ATXN7L1: variants seen among roughly 807,000 people sequenced by gnomAD.
ATXN7L1 encodes ataxin 7 like 1.
In ATXN7L1, 15 loss-of-function variants were observed where a neutral mutation model predicts 70.8. The ratio of observed to expected loss-of-function variants is 0.21; its 90% CI spans 0.14 to 0.33. ATXN7L1 has a LOEUF of 0.33. Among genes scored for constraint, ATXN7L1 ranks in the 10% least tolerant of loss-of-function variants. The pLI is 1.00. For missense variants in ATXN7L1, 975 were observed against 1,097.1 expected (o/e 0.89, Z 1.57); for synonymous variants, 440 against 445.1 (o/e 0.99, Z 0.14).
chr7:105,859,285 G>T, intron 2 of ATXN7L1, among the ~76,000 whole-genome samples: 1 of 152,110 alleles, frequency 6.6e-6, no homozygotes, highest in Non-Finnish European at 1.5e-5. Flanking sequence ...GAGAATTTAA[G>T]TGAACAGCTC....
At chr7:105,799,182 G>A (rs1224017563) in intron 2 of ATXN7L1, among the ~76,000 whole-genome samples, 1 of 152,244 alleles carries the variant, frequency 6.6e-6, no homozygotes, top group Admixed American at 6.5e-5. Flanking sequence ...GTGCAGGAAT[G>A]TGACATTTGT....
chr7:105,693,798 G>A (rs1323103814), intron 3 of ATXN7L1, among the ~76,000 whole-genome samples: 1 of 152,170 alleles, frequency 6.6e-6, no homozygotes, highest in African/African-American at 2.4e-5. Context: ...TCCCCTCAAA[G>A]TAACCCACAT....
chr7:105,759,192 T>C (rs889623256), intron 3 of ATXN7L1, among the ~76,000 whole-genome samples: 1 of 151,052 alleles, frequency 6.6e-6, no homozygotes, highest in African/African-American at 2.4e-5. Flanking sequence ...AGGTACCCAA[T>C]TTTATCAGCC....
chr7:105,662,026 CT>C (rs56907945), intron 4 of ATXN7L1, among the ~76,000 whole-genome samples: 10,201 of 62,348 alleles, frequency 0.16, 437 homozygotes, highest in Admixed American at 0.2. Context: ...TTCTTTCTTT[CT>C]TTCCTTCCTT....
At chr7:105,652,062 C>G (rs1263042431) in intron 4 of ATXN7L1, among the ~76,000 whole-genome samples, 1 of 152,150 alleles carries the variant, frequency 6.6e-6, no homozygotes, top group Non-Finnish European at 1.5e-5. Flanking sequence ...AGTGTCCTGA[C>G]ATTCCTGGGG....
chr7:105,637,155 C>T (rs1234937239), intron 7 of ATXN7L1, among the ~76,000 whole-genome samples: 3 of 152,138 alleles, frequency 2.0e-5, no homozygotes, highest in Non-Finnish European at 4.4e-5. Context: ...TCCATCTGAC[C>T]GCGTCCTCCT....
chr7:105,609,766 T>C (rs1002817797), intron 11 of ATXN7L1, among the ~76,000 whole-genome samples: 1 of 151,252 alleles, frequency 6.6e-6, no homozygotes, highest in African/African-American at 2.4e-5. Context: ...GGCTGGCAAG[T>C]CCCTTTTTTA....
At chr7:105,811,710 C>G (rs1391887506) in intron 2 of ATXN7L1, among the ~76,000 whole-genome samples, 1 of 152,066 alleles carries the variant, frequency 6.6e-6, no homozygotes, top group Non-Finnish European at 1.5e-5. Context: ...AAGGATTGAG[C>G]CTGGGGCACT....
chr7:105,822,422 G>C (rs191610653), intron 2 of ATXN7L1, among the ~76,000 whole-genome samples: 1 of 152,354 alleles, frequency 6.6e-6, no homozygotes, highest in East Asian at 1.9e-4. Flanking sequence ...CTCTTTTTAA[G>C]TAAGGATGAG....
chr7:105,837,496 G>C (rs1259084687), intron 2 of ATXN7L1, among the ~76,000 whole-genome samples: 1 of 151,640 alleles, frequency 6.6e-6, no homozygotes, highest in Non-Finnish European at 1.5e-5. Context: ...GAAATATGAA[G>C]GGTTGGAAGG....
chr7:105,874,750 A>G (rs1319941278), intron 2 of ATXN7L1, among the ~76,000 whole-genome samples: 1 of 152,226 alleles, frequency 6.6e-6, no homozygotes. Flanking sequence ...GTGTTGATTC[A>G]TAAAATGAGT....
intron 3 of ATXN7L1, among the ~76,000 whole-genome samples, chr7:105,742,532 A>C (rs1007848269): frequency 6.6e-6 from 1 of 152,228 alleles, no homozygotes; most frequent in African/African-American, 2.4e-5. Flanking sequence ...AGAGTGAGAC[A>C]CACAGAGGTA....
At chr7:105,681,339 G>A (rs763021186) in intron 3 of ATXN7L1, among the ~76,000 whole-genome samples, 7 of 152,166 alleles carry the variant, frequency 4.6e-5, no homozygotes, top group South Asian at 2.1e-4. Context: ...AACGCAGATC[G>A]AAATCACAGT....
intron 5 of ATXN7L1, 114 bp downstream of exon 5, chr7:105,642,724 C>T: frequency 7.8e-7 from 1 of 1,285,280 alleles, no homozygotes; most frequent in Non-Finnish European, 1.1e-6. Context: ...ACTCTGCATC[C>T]CCCTTAAAAT....
intron 3 of ATXN7L1, among the ~76,000 whole-genome samples, chr7:105,777,650 C>T (rs1368455356): frequency 2.0e-5 from 3 of 152,222 alleles, no homozygotes; most frequent in Non-Finnish European, 4.4e-5. Context: ...ATCCTTTTCT[C>T]TCCATCTCCA....
intron 3 of ATXN7L1, chr7:105,760,521 C>T (rs1388041047): frequency 1.0e-6 from 1 of 985,752 alleles, no homozygotes; most frequent in East Asian, 1.1e-4. Flanking sequence ...CCTCACTGTT[C>T]CTAATGAAAT....
Position 105,614,278 on chromosome 7 carries a change from A to C in ATXN7L1, c.2056T>G (p.Leu686Val). 8 of 1,551,878 alleles carry C rather than the reference A, an allele frequency of 5.2e-6. No homozygotes were observed. The highest frequency in any genetic ancestry group is 7.0e-6 in the Non-Finnish European group (8 of 1,147,048). The change falls in exon 10 of 12, where the codon TTG becomes GTG. Residue 686 changes from leucine to valine, a missense_variant. Transcript: ENST00000419735. The surrounding 1 kb of genome is among the most constrained non-coding windows in gnomAD (Gnocchi z 4.3). ...KNCVLNASSA[L>V]NSYQAAPPYN... Reference sequence around the variant, plus strand: ...GGAGGGGCCGCCTGATAGGAGTTCAAAGCAGAACTGGCATTCAAAACACAG... The same window carrying C: ...GGAGGGGCCGCCTGATAGGAGTTCACAGCAGAACTGGCATTCAAAACACAG...
intron 2 of ATXN7L1, among the ~76,000 whole-genome samples, chr7:105,827,598 T>C (rs1811056596): frequency 6.6e-6 from 1 of 152,222 alleles, no homozygotes; most frequent in Non-Finnish European, 1.5e-5. Flanking sequence ...TGACTTTTCA[T>C]ATATTCGGGT....
intron 3 of ATXN7L1, among the ~76,000 whole-genome samples, chr7:105,773,380 C>T (rs550316033): frequency 1.3e-5 from 2 of 152,324 alleles, no homozygotes; most frequent in Admixed American, 1.3e-4. Context: ...TGCACTGCCA[C>T]ACTATACCCA....
Sources: gnomAD v4.1 joint callset for allele counts (sites outside exome capture counted in the v4.1 genomes callset) on GRCh38, gnomAD v4.1.1 for gene constraint, Gnocchi (gnomAD v3.1) non-coding constraint, MANE v1.5 for transcripts, NCBI Gene and HGNC (gene_info 2026-07-23, HGNC 2026-07-21) for gene names.